The following SOS1 variants were observed in gnomAD, a reference collection of about 807,000 sequenced individuals.
The protein encoded by SOS1 is SOS Ras/Rac guanine nucleotide exchange factor 1, also known as son of sevenless homolog 1.
Under a neutral mutation model 157.6 loss-of-function variants are expected in SOS1, and 25 were observed. That is an observed-to-expected ratio of 0.16 (90% CI 0.12 to 0.22). The LOEUF (loss-of-function observed/expected upper bound fraction) is 0.22, where lower values mean the gene tolerates loss of function less well. Among genes scored for constraint, SOS1 ranks in the 10% least tolerant of loss-of-function variants. The pLI is 1.00. For missense variants in SOS1, 1,237 were observed against 1,599.1 expected, an observed-to-expected ratio of 0.77 and a Z score of 3.86; for synonymous variants, 528 against 534.0, an observed-to-expected ratio of 0.99 and a Z score of 0.16.
chr2:39,120,438 C>T lies in SOS1; in HGVS notation c.-16G>A, dbSNP rs1673829339. 3 of 1,570,916 alleles carry T rather than the reference C, an allele frequency of 1.9e-6. No individual in the cohort carries two copies. The highest frequency in any genetic ancestry group is 2.5e-5 in the East Asian group (1 of 40,796). On this transcript the variant is annotated 5_prime_UTR_variant, in exon 1 of 23. Coordinates refer to ENST00000402219, the MANE Select transcript of SOS1 (RefSeq NM_005633.4). ...GCGCCTGCATGGTGCCCCCGGGGCG[C>T]CTCTGGGCGGGGAGAGGGGCGGCGG... is the stretch of plus-strand genomic sequence containing the variant.
At chr2:39,114,669 A>G (rs1044575448) in intron 1 of SOS1, among the ~76,000 whole-genome samples, 1 of 151,558 alleles carries the variant, frequency 6.6e-6, no homozygotes, top group African/African-American at 2.4e-5. Context: ...CAGTGGTGTG[A>G]TCTCAGCTCA....
intron 8 of SOS1, among the ~76,000 whole-genome samples, chr2:39,025,410 T>C (rs1572832682): frequency 6.6e-6 from 1 of 151,820 alleles, no homozygotes. Flanking sequence ...GGTGCAGCGG[T>C]GCAATCTCAG....
intron 6 of SOS1, among the ~76,000 whole-genome samples, chr2:39,037,803 T>TA (rs1307514676): frequency 6.6e-6 from 1 of 152,190 alleles, no homozygotes; most frequent in East Asian, 1.9e-4. Flanking sequence ...AGGATTGTGC[T>TA]AAATCTACTC....
At chr2:39,057,716 T>C (rs957021553) in intron 3 of SOS1, among the ~76,000 whole-genome samples, 10 of 152,092 alleles carry the variant, frequency 6.6e-5, no homozygotes, top group African/African-American at 2.4e-4. Context: ...AATTTGTTAA[T>C]TCCCTTAGAA....
chr2:39,108,485 A>G (rs575445263), intron 1 of SOS1, among the ~76,000 whole-genome samples: 5 of 152,220 alleles, frequency 3.3e-5, no homozygotes, highest in African/African-American at 1.2e-4. Context: ...CCTCCAAGCT[A>G]CCACAAATCC....
intron 12 of SOS1, 124 bp from the exon 13 acceptor site, chr2:39,013,687 C>T: frequency 1.1e-6 from 1 of 908,878 alleles, no homozygotes; most frequent in Non-Finnish European, 1.8e-6. Context: ...GTGTGCTTAA[C>T]ACTTCCAAAA....
At chr2:39,111,042 G>A (rs552793305) in intron 1 of SOS1, among the ~76,000 whole-genome samples, 5 of 152,336 alleles carry the variant, frequency 3.3e-5, no homozygotes, top group African/African-American at 9.6e-5. Flanking sequence ...AGACCAGCCT[G>A]GCCAACATGG....
chr2:38,983,955 C>CAATT lies in SOS1; in HGVS notation c.*1865_*1868dup, dbSNP rs1668475787. 6.6e-6 allele frequency: 1 copy of CAATT among 152,100 alleles called. No individual in the cohort carries two copies. Among genetic ancestry groups the CAATT allele is most frequent in the South Asian group, 2.1e-4 (1 of 4,824 alleles). The allele number at this position is 152,100 out of a possible 1,614,324, so 9.4% of individuals were successfully genotyped here. On this transcript the variant is annotated 3_prime_UTR_variant, in exon 23 of 23. Coordinates refer to ENST00000402219, the MANE Select transcript of SOS1 (RefSeq NM_005633.4). ...ATGGTACAGATATTGAGAAAGGATT[C>CAATT]AATTCTAACAAATAAATAAGAAAAT...
At chr2:39,036,441 C>G (rs138127906) in intron 6 of SOS1, among the ~76,000 whole-genome samples, 1 of 152,140 alleles carries the variant, frequency 6.6e-6, no homozygotes, top group African/African-American at 2.4e-5. Context: ...ACCTCTGCCC[C>G]CTGGGCTCAA....
chr2:39,066,600 A>G (rs1018218053), intron 2 of SOS1, among the ~76,000 whole-genome samples: 8 of 151,982 alleles, frequency 5.3e-5, no homozygotes, highest in African/African-American at 1.9e-4. Flanking sequence ...TTTCCCATAT[A>G]CTCTTTACTC....
intron 1 of SOS1, among the ~76,000 whole-genome samples, chr2:39,105,106 GAATT>G (rs1202517335): frequency 1.3e-5 from 2 of 152,148 alleles, no homozygotes; most frequent in South Asian, 2.1e-4. Context: ...AAACATCTAT[GAATT>G]AATTATCAGT....
chr2:39,089,666 C>A (rs1469618852), intron 1 of SOS1, among the ~76,000 whole-genome samples: 1 of 151,926 alleles, frequency 6.6e-6, no homozygotes, highest in Admixed American at 6.6e-5. Context: ...AATAAATGTC[C>A]TTGAGTCTCC....
chr2:39,010,224 G>A (rs543035961), intron 15 of SOS1, among the ~76,000 whole-genome samples: 70 of 151,734 alleles, frequency 4.6e-4, no homozygotes, highest in African/African-American at 1.5e-3. Context: ...GCTGAGGCCT[G>A]AGAATTGCTT....
intron 12 of SOS1, 25 bp downstream of exon 12, chr2:39,013,842 T>C (rs1669541486): frequency 4.4e-6 from 7 of 1,600,150 alleles, no homozygotes; most frequent in Non-Finnish European, 5.1e-6. Context: ...TAAAGACTTA[T>C]TTACTTCATT....
At chr2:39,103,801 C>T (rs181850422) in intron 1 of SOS1, among the ~76,000 whole-genome samples, 248 of 152,216 alleles carry the variant, frequency 1.6e-3, no homozygotes, top group African/African-American at 5.4e-3. Flanking sequence ...AATCTGACTT[C>T]GTCAAAATTA....
intron 17 of SOS1, among the ~76,000 whole-genome samples, chr2:39,000,465 G>C (rs1443441140): frequency 6.6e-6 from 1 of 151,732 alleles, no homozygotes; most frequent in Non-Finnish European, 1.5e-5. Flanking sequence ...AGAAAGTCTA[G>C]TTACTCCTGT....
chr2:39,120,213 T>C lies in SOS1; in HGVS notation c.87+123A>G, dbSNP rs565422971. The C allele has an allele frequency of 3.9e-4, 340 of 872,650 alleles. No individual in the cohort carries two copies. In the African/African-American group the frequency reaches 5.5e-3, roughly 14 times the overall value. The allele number at this position is 872,650 out of a possible 1,614,324, so 54.1% of individuals were successfully genotyped here. ...GGGGGCCTCTCCGTGTGCGCCGTCC[T>C]TTTGGAGACGCGGCGAGACCGGGAA... On this transcript the variant is annotated intron_variant, in intron 1 of 22. Transcript: ENST00000402219.
chr2:39,089,399 G>T (rs1363609620), intron 1 of SOS1, among the ~76,000 whole-genome samples: 1 of 151,966 alleles, frequency 6.6e-6, no homozygotes, highest in Admixed American at 6.6e-5. Flanking sequence ...AGGCATGGTG[G>T]CACACACCTG....
chr2:39,117,176 C>G (rs1572904662), intron 1 of SOS1, among the ~76,000 whole-genome samples: 2 of 151,940 alleles, frequency 1.3e-5, no homozygotes, highest in African/African-American at 4.8e-5. Flanking sequence ...TTACAGGTGC[C>G]CACCACCACG....
Sources: allele counts gnomAD v4.1 joint callset (sites outside exome capture counted in the v4.1 genomes callset), GRCh38; gene constraint gnomAD v4.1.1; transcripts MANE v1.5; gene names NCBI Gene and HGNC (gene_info 2026-07-23, HGNC 2026-07-21).